NLRP2: variants seen among roughly 807,000 people sequenced by gnomAD.
NLRP2 encodes NACHT, LRR and PYD domains-containing protein 2.
NLRP2 carries 107 observed loss-of-function variants against 97.2 expected under a neutral mutation model. The ratio of observed to expected loss-of-function variants is 1.10; its 90% CI spans 0.94 to 1.29. The LOEUF is 1.29. Among genes scored for constraint, NLRP2 ranks in the 50% most tolerant of loss-of-function variants. The pLI, the probability that NLRP2 is intolerant of heterozygous loss-of-function variation, is 0.00. For synonymous variants in NLRP2, 663 were observed against 551.5 expected (o/e 1.20, Z -2.83); for missense variants, 1,495 against 1,330.3 (o/e 1.12, Z -1.93).
chr19:54,969,299 C>T (rs1181029084), intron 1 of NLRP2, among the ~76,000 whole-genome samples: 1 of 92,968 alleles, frequency 1.1e-5, no homozygotes, highest in Non-Finnish European at 2.4e-5. Context: ...CTTGGTGAAA[C>T]CCCCCATCTC....
At chr19:54,973,912 C>T in intron 2 of NLRP2, 1 of 713,996 alleles carries the variant, frequency 1.4e-6, no homozygotes, top group South Asian at 1.3e-5. Context: ...CTTGGTATGC[C>T]CAGGGGAAGT....
rs541303358 is a variant in NLRP2, at chr19:54,989,067, C to T, written c.2367-955C>T. 4.6e-5 allele frequency among the ~76,000 whole-genome samples: 7 copies of T among 152,072 alleles called. No individual in the cohort carries two copies. In the South Asian group the frequency reaches 1.2e-3, roughly 27 times the overall value. Reference sequence around the variant, plus strand: ...CCGCCTCCTGGGTTCAAGTGATTCTCTTGCCTCAGCCTCCTGAGTAGCTGG... The same window carrying T: ...CCGCCTCCTGGGTTCAAGTGATTCTTTTGCCTCAGCCTCCTGAGTAGCTGG... On this transcript the variant is annotated intron_variant, in intron 8 of 12. Coordinates refer to ENST00000448584, the MANE Select transcript of NLRP2 (RefSeq NM_017852.5).
At chr19:54,986,498 C>T in intron 8 of NLRP2, 183 bp downstream of exon 8, 3 of 656,232 alleles carry the variant, frequency 4.6e-6, no homozygotes, top group Non-Finnish European at 8.3e-6. Context: ...CAGTAAACAC[C>T]CTGGACAACC....
At chr19:54,977,691 C>T (rs1045395757) in intron 3 of NLRP2, 61 bp from the exon 4 acceptor site, 3 of 1,528,668 alleles carry the variant, frequency 2.0e-6, no homozygotes, top group East Asian at 4.5e-5. Flanking sequence ...CCAACTTGAG[C>T]CATCTTGGAG....
intron 3 of NLRP2, among the ~76,000 whole-genome samples, chr19:54,975,106 GT>G (rs558518586): frequency 7.8e-4 from 46 of 58,700 alleles, no homozygotes; most frequent in Non-Finnish European, 9.7e-4. Context: ...ACCCGGTTTT[GT>G]TTTTTTTTTT....
chr19:54,966,836 T>C (rs2070461905), intron 1 of NLRP2, among the ~76,000 whole-genome samples: 1 of 102,466 alleles, frequency 9.8e-6, no homozygotes, highest in African/African-American at 3.0e-5. Context: ...TTTTTTTTTT[T>C]TTTTTTTTTT....
chr19:54,990,804 T>C lies in NLRP2; in HGVS notation c.2708+132T>C, dbSNP rs1602412740. On this transcript the variant is annotated intron_variant, in intron 10 of 12. Coordinates refer to ENST00000448584, the MANE Select transcript of NLRP2 (RefSeq NM_017852.5). ...CAAGCATGATGCTAATGACAACTGG[T>C]AAGACCTGGGTAGATGATGGTAGGA... The C allele has an allele frequency of 3.3e-6, 3 of 899,800 alleles. No homozygotes were observed. In the East Asian group the frequency reaches 7.8e-5, roughly 23 times the overall value. 55.7% of individuals were successfully genotyped at this position (899,800 alleles called of 1,614,324 possible). A position where few individuals can be genotyped will look rare whatever the true frequency, so the allele number is the denominator to read the frequency against.
chr19:54,969,394 C>A (rs2070697409), intron 1 of NLRP2, among the ~76,000 whole-genome samples: 1 of 148,892 alleles, frequency 6.7e-6, no homozygotes, highest in Non-Finnish European at 1.5e-5. Flanking sequence ...AGGAGAATTG[C>A]TTGAATCCGG....
chr19:54,980,789 C>A (rs1272571868), intron 4 of NLRP2, among the ~76,000 whole-genome samples: 1 of 152,164 alleles, frequency 6.6e-6, no homozygotes, highest in East Asian at 1.9e-4. Flanking sequence ...GAAGGCCAAA[C>A]ATCTTGGGCC....
intron 1 of NLRP2, among the ~76,000 whole-genome samples, chr19:54,967,391 A>G (rs2070522836): frequency 6.9e-6 from 1 of 143,942 alleles, no homozygotes; most frequent in African/African-American, 2.7e-5. Context: ...CTGAGGCAGG[A>G]GAATCACTTG....
intron 3 of NLRP2, among the ~76,000 whole-genome samples, chr19:54,976,641 C>G (rs1294139529): frequency 6.6e-6 from 1 of 151,920 alleles, no homozygotes; most frequent in Non-Finnish European, 1.5e-5. Context: ...GCCACCTCAC[C>G]TGGTGGTGAA....
chr19:54,984,236 C>G (rs972669211), intron 6 of NLRP2, among the ~76,000 whole-genome samples: 3 of 150,370 alleles, frequency 2.0e-5, no homozygotes, highest in Non-Finnish European at 4.4e-5. Flanking sequence ...CCTCAAACTT[C>G]TGGGTTCAAG....
chr19:54,990,077 G>A lies in NLRP2; in HGVS notation c.2422G>A (p.Glu808Lys). 6.2e-7 allele frequency: 1 copy of A among 1,614,084 alleles called. No homozygotes were observed. The highest frequency in any genetic ancestry group is 1.7e-5 in the Admixed American group (1 of 60,006). ...QQWADLSLALEVNQSLTCVNL... is the reference protein window; with the variant it reads ...QQWADLSLALKVNQSLTCVNL... ...GTGGGCTGATCTCTCCTTGGCCCTT[G>A]AAGTCAACCAGTCCCTGACGTGCGT... is the stretch of plus-strand genomic sequence containing the variant. The change falls in exon 9 of 13, where the codon GAA becomes AAA. Residue 808 changes from glutamate to lysine, a missense_variant. Coordinates refer to ENST00000448584, the MANE Select transcript of NLRP2 (RefSeq NM_017852.5).
intron 1 of NLRP2, among the ~76,000 whole-genome samples, chr19:54,969,147 G>C (rs963801608): frequency 6.6e-6 from 1 of 151,972 alleles, no homozygotes; most frequent in Non-Finnish European, 1.5e-5. Flanking sequence ...GAGTGTTTTC[G>C]CTTTATAGGT....
At chr19:54,984,329 G>GGTTT (rs1329961462) in intron 6 of NLRP2, among the ~76,000 whole-genome samples, 29 of 79,662 alleles carry the variant, frequency 3.6e-4, no homozygotes, top group Non-Finnish European at 6.0e-4. Context: ...TTTTTTTTGT[G>GGTTT]TTTTTTTTTT....
intron 1 of NLRP2, 104 bp from the exon 2 acceptor site, chr19:54,969,895 G>A: frequency 1.8e-6 from 2 of 1,112,996 alleles, no homozygotes; most frequent in African/African-American, 1.5e-5. Context: ...GAAGAAGCAG[G>A]GTAGATGGTG....
chr19:54,982,718 C>A lies in NLRP2; in HGVS notation c.1020C>A (p.Ala340=), dbSNP rs199475713. 5.8e-5 allele frequency: 94 copies of A among 1,614,024 alleles called. No individual in the cohort carries two copies. In the East Asian group the frequency reaches 7.1e-4, roughly 12 times the overall value. ...TGCTGGTCACCACGCGGCCCAGGGC[C>A]CTGAGGGACCTCCGGATCCTGGCGG... ...AALLVTTRPR[A]LRDLRILAEE... Residue 340 remains alanine, a synonymous_variant, in exon 6 of 13, where the codon GCC becomes GCA. Transcript: ENST00000448584.
chr19:55,000,171 C>G (rs112370529), intron 12 of NLRP2, among the ~76,000 whole-genome samples: 1 of 146,210 alleles, frequency 6.8e-6, no homozygotes, highest in Non-Finnish European at 1.5e-5. Context: ...CCCAGCTACT[C>G]GGGAGGCAGA....
In NLRP2 at chr19:54,982,821, G is replaced by T; in HGVS notation, c.1123G>T (p.Glu375Ter). 1 of 1,613,742 alleles carries T rather than the reference G, an allele frequency of 6.2e-7. No homozygotes were observed. Among genetic ancestry groups the T allele is most frequent in the Non-Finnish European group, 8.5e-7 (1 of 1,179,946 alleles). ...CTATTTCCTGAGACACTTTGGAGAC[G>T]AGGACCAAGCCATGCGTGCCTTTGA... Reference protein sequence around the residue: ...RAYFLRHFGDEDQAMRAFELM... With the variant: ...RAYFLRHFGD The change falls in exon 6 of 13, where the codon GAG becomes TAG. Residue 375 changes from glutamate (E) to a stop codon, truncating the protein, a stop_gained. Coordinates refer to ENST00000448584, the MANE Select transcript of NLRP2 (RefSeq NM_017852.5). LOFTEE classifies it high-confidence loss of function.
Sources: gnomAD v4.1 joint callset for allele counts (sites outside exome capture counted in the v4.1 genomes callset) on GRCh38, gnomAD v4.1.1 for gene constraint, MANE v1.5 for transcripts, NCBI Gene and HGNC (gene_info 2026-07-23, HGNC 2026-07-21) for gene names.